The following ADAMTS17 variants were observed in gnomAD, a reference collection of about 807,000 sequenced individuals.
The protein encoded by ADAMTS17 is A disintegrin and metalloproteinase with thrombospondin motifs 17.
In ADAMTS17, 113 loss-of-function variants were observed where a neutral mutation model predicts 141.5. The observed-to-expected ratio is 0.80, with a 90% CI of 0.69 to 0.93. The LOEUF is 0.93. ADAMTS17 is among the 40% of genes least tolerant of loss of function. The pLI, the probability that ADAMTS17 is intolerant of heterozygous loss-of-function variation, is 0.00. For missense variants in ADAMTS17, 1,659 were observed against 1,517.9 expected, an observed-to-expected ratio of 1.09 and a Z score of -1.54; for synonymous variants, 768 against 630.6, an observed-to-expected ratio of 1.22 and a Z score of -3.27.
In ADAMTS17 at chr15:100,021,167, G is replaced by A. The variant is rs959049349; in HGVS notation, c.2592-23578C>T. 9.2e-5 allele frequency among the ~76,000 whole-genome samples: 14 copies of A among 152,178 alleles called. 1 individual carries two copies. The East Asian group carries it at 1.9e-3, about 21-fold the overall frequency. On this transcript the variant is annotated intron_variant, in intron 18 of 21. Transcript: ENST00000268070. ...CTCTCCACCTGGGAGGCTTCAGGCC[G>A]ATGTGTTCACCAGCCTAGAGGATAG...
rs911998146 is a variant in ADAMTS17 at position 99,999,370 on chromosome 15, T to C, written c.2592-1781A>G. Among the ~76,000 whole-genome samples the C allele has an allele frequency of 4.6e-5, 7 of 151,962 alleles. 1 individual carries two copies. Among genetic ancestry groups the C allele is most frequent in the Non-Finnish European group, 1.5e-5 (1 of 67,994 alleles). ...GCAGAACAGGGAGTGGGTGGGGGTG[T>C]TATCTTACAGCAGGATGCAGGGAAG... On this transcript the variant is annotated intron_variant, in intron 18 of 21. Coordinates refer to ENST00000268070, the MANE Select transcript of ADAMTS17 (RefSeq NM_139057.4).
chr15:100,250,873 CTG>C (rs1310829130), intron 7 of ADAMTS17, among the ~76,000 whole-genome samples: 1 of 152,124 alleles, frequency 6.6e-6, no homozygotes, highest in African/African-American at 2.4e-5. Context: ...ATGATCATGA[CTG>C]TATAATTACT....
At chr15:100,191,998 T>G (rs1461615220) in intron 8 of ADAMTS17, among the ~76,000 whole-genome samples, 1 of 152,226 alleles carries the variant, frequency 6.6e-6, no homozygotes, top group African/African-American at 2.4e-5. Context: ...GTATCTCATG[T>G]AACCTATAAA....
chr15:100,051,829 A>G, intron 16 of ADAMTS17, 98 bp from the exon 17 acceptor site: 4 of 1,471,722 alleles, frequency 2.7e-6, no homozygotes, highest in Non-Finnish European at 3.8e-6. Context: ...CTGTTTCTTT[A>G]TGAGGGGTAA....
chr15:100,189,244 T>A (rs746275521), intron 8 of ADAMTS17, among the ~76,000 whole-genome samples: 4 of 152,230 alleles, frequency 2.6e-5, no homozygotes, highest in Non-Finnish European at 4.4e-5. Context: ...GAACTAGGCA[T>A]GGGATGTAGG....
At chr15:100,145,834 A>T (rs4965285) in intron 10 of ADAMTS17, among the ~76,000 whole-genome samples, 146,702 of 152,378 alleles carry the variant, frequency 0.96, 70,861 homozygotes, top group East Asian at 1. Context: ...TTGCTTTACT[A>T]AGTTGACATT....
chr15:100,282,563 G>GTC (rs749139182), intron 3 of ADAMTS17, among the ~76,000 whole-genome samples: 1 of 152,182 alleles, frequency 6.6e-6, no homozygotes, highest in Non-Finnish European at 1.5e-5. Flanking sequence ...TGTGAATGAG[G>GTC]TCTCTCTCTC....
At chr15:100,071,803 C>T (rs58165843) in intron 15 of ADAMTS17, among the ~76,000 whole-genome samples, 4,021 of 150,240 alleles carry the variant, frequency 0.027, 417 homozygotes, top group African/African-American at 0.094. Flanking sequence ...AATATCATAC[C>T]GAATGGGCAA....
rs2038737227 is a variant in ADAMTS17 at position 100,143,109 on chromosome 15, C to G, written c.1473+9503G>C. 2.6e-5 allele frequency among the ~76,000 whole-genome samples: 4 copies of G among 152,302 alleles called. No individual in the cohort carries two copies. In the South Asian group the frequency reaches 8.3e-4, roughly 32 times the overall value. On this transcript the variant is annotated intron_variant, in intron 10 of 21. Coordinates refer to ENST00000268070, the MANE Select transcript of ADAMTS17 (RefSeq NM_139057.4). ...TAAACAGCACCTTTCAACTGAAAGC[C>G]TCCAGGACCAGGGTGGTGGTGATGG...
At chr15:100,325,330 A>G (rs1291655630) in intron 3 of ADAMTS17, among the ~76,000 whole-genome samples, 1 of 152,208 alleles carries the variant, frequency 6.6e-6, no homozygotes, top group Admixed American at 6.5e-5. Flanking sequence ...ATTTGCAGAT[A>G]GGGTTTTTAC....
chr15:100,015,274 G>T (rs1284822887), intron 18 of ADAMTS17, among the ~76,000 whole-genome samples: 1 of 152,132 alleles, frequency 6.6e-6, no homozygotes, highest in Admixed American at 6.5e-5. Context: ...GCAGATGGTT[G>T]GTTGGTGAGT....
chr15:100,201,559 C>A (rs2041334515), intron 7 of ADAMTS17, among the ~76,000 whole-genome samples: 1 of 152,260 alleles, frequency 6.6e-6, no homozygotes, highest in African/African-American at 2.4e-5. Flanking sequence ...AGGAAGCTCA[C>A]ATGGCCTGGC....
intron 7 of ADAMTS17, among the ~76,000 whole-genome samples, chr15:100,248,073 G>A (rs751307074): frequency 6.6e-6 from 1 of 152,002 alleles, no homozygotes; most frequent in Non-Finnish European, 1.5e-5. Flanking sequence ...ACAGCCGCTG[G>A]GCCCCAGCGC....
intron 3 of ADAMTS17, among the ~76,000 whole-genome samples, chr15:100,287,193 A>G (rs1478191547): frequency 2.6e-5 from 4 of 152,186 alleles, no homozygotes; most frequent in Non-Finnish European, 4.4e-5. Context: ...TCTCAAAAGA[A>G]AAAACAAAAA....
intron 17 of ADAMTS17, 131 bp downstream of exon 17, chr15:100,051,441 T>C (rs1035155583): frequency 1.1e-5 from 15 of 1,319,574 alleles, no homozygotes; most frequent in Middle Eastern, 2.5e-4. Flanking sequence ...AGATTTTCGG[T>C]GGGATATGGT....
chr15:100,145,184 G>A (rs1446992269), intron 10 of ADAMTS17, among the ~76,000 whole-genome samples: 1 of 152,124 alleles, frequency 6.6e-6, no homozygotes, highest in Admixed American at 6.5e-5. Flanking sequence ...GCTTTTCTAA[G>A]CTGCCCTCAG....
intron 8 of ADAMTS17, among the ~76,000 whole-genome samples, chr15:100,169,244 G>C (rs1000903461): frequency 9.2e-5 from 14 of 151,926 alleles, no homozygotes; most frequent in Non-Finnish European, 1.8e-4. Flanking sequence ...ACACATGCCA[G>C]GTATGACGCT....
chr15:99,975,153 A>G (rs1433765852), intron 21 of ADAMTS17, among the ~76,000 whole-genome samples: 8 of 152,222 alleles, frequency 5.3e-5, no homozygotes, highest in African/African-American at 1.9e-4. Context: ...CAGGTAGGAA[A>G]ATATTTCTCA....
rs762353760 is a variant in ADAMTS17, at chr15:100,262,447, GA to G, written c.790-13del. The stretch of plus-strand genomic sequence containing the variant: ...AACATATTGTATACCTATCAAGACA[GA>G]AAAAAGAAATAAAGATATAAAGATA... On this transcript the variant is annotated splice_polypyrimidine_tract_variant and intron_variant, in intron 4 of 21. Coordinates refer to ENST00000268070, the MANE Select transcript of ADAMTS17 (RefSeq NM_139057.4). The G allele has an allele frequency of 8.1e-6, 13 of 1,604,038 alleles. No individual in the cohort carries two copies. In the Admixed American group the frequency reaches 2.2e-4, roughly 27 times the overall value.
Sources: gnomAD v4.1 joint callset for allele counts (sites outside exome capture counted in the v4.1 genomes callset) on GRCh38, gnomAD v4.1.1 for gene constraint, MANE v1.5 for transcripts, NCBI Gene and HGNC (gene_info 2026-07-23, HGNC 2026-07-21) for gene names.